The following BBS9 variants were observed in gnomAD, a reference collection of about 807,000 sequenced individuals.
BBS9 encodes the protein Bardet-Biedl syndrome 9, also known as protein PTHB1.
Under a neutral mutation model 117.7 loss-of-function variants are expected in BBS9, and 89 were observed. The ratio of observed to expected loss-of-function variants is 0.76; its 90% CI spans 0.64 to 0.90. The LOEUF (loss-of-function observed/expected upper bound fraction) is 0.90, where lower values mean the gene tolerates loss of function less well. Among genes scored for constraint, BBS9 ranks in the 40% least tolerant of loss-of-function variants. The pLI, the probability that BBS9 is intolerant of heterozygous loss-of-function variation, is 0.00. For missense variants in BBS9, 982 were observed against 1,042.2 expected (o/e 0.94, Z 0.80); for synonymous variants, 379 against 370.9 (o/e 1.02, Z -0.25).
chr7:33,401,321 T>G (rs888161169), intron 19 of BBS9, among the ~76,000 whole-genome samples: 6 of 152,204 alleles, frequency 3.9e-5, no homozygotes, highest in Non-Finnish European at 8.8e-5. Flanking sequence ...GGTAAAAGTA[T>G]TTGAGAGGAT....
At chr7:33,387,594 C>T (rs547433881) in intron 18 of BBS9, among the ~76,000 whole-genome samples, 1 of 151,922 alleles carries the variant, frequency 6.6e-6, no homozygotes, top group African/African-American at 2.4e-5. Context: ...CTAATAAAGG[C>T]CTTTCCTATA....
intron 2 of BBS9, among the ~76,000 whole-genome samples, chr7:33,151,994 A>T (rs1240214740): frequency 4.0e-5 from 6 of 151,768 alleles, no homozygotes; most frequent in Admixed American, 3.9e-4. Context: ...AGTAGCTGGG[A>T]CTACAGGGGC....
chr7:33,166,209 C>G (rs1795657631), intron 4 of BBS9, among the ~76,000 whole-genome samples: 1 of 152,200 alleles, frequency 6.6e-6, no homozygotes, highest in African/African-American at 2.4e-5. Context: ...AATATTGCTG[C>G]CTGATCCTTC....
At chr7:33,591,439 G>A (rs925588191) in intron 21 of BBS9, among the ~76,000 whole-genome samples, 3 of 151,986 alleles carry the variant, frequency 2.0e-5, no homozygotes, top group African/African-American at 7.2e-5. Flanking sequence ...ATGATTCTTT[G>A]TTAAGTGTTA....
At chr7:33,199,091 G>A (rs1562783288) in intron 5 of BBS9, among the ~76,000 whole-genome samples, 1 of 151,904 alleles carries the variant, frequency 6.6e-6, no homozygotes, top group African/African-American at 2.4e-5. Context: ...CCCAATCAAT[G>A]GTTCTTTTCT....
intron 10 of BBS9, among the ~76,000 whole-genome samples, chr7:33,338,906 C>A (rs1317050268): frequency 6.6e-6 from 1 of 152,178 alleles, no homozygotes; most frequent in African/African-American, 2.4e-5. Flanking sequence ...GCCCATACAG[C>A]TGTGTCTTCA....
At chr7:33,222,578 C>T (rs9768604) in intron 5 of BBS9, among the ~76,000 whole-genome samples, 46,038 of 151,922 alleles carry the variant, frequency 0.3, 7,439 homozygotes, top group Admixed American at 0.42. Flanking sequence ...GGTTTCTTCT[C>T]CTTCTATTCT....
intron 9 of BBS9, chr7:33,314,179 G>A (rs964292415): frequency 7.5e-5 from 27 of 359,042 alleles, no homozygotes; most frequent in Admixed American, 4.2e-4. Context: ...TTCTGGCCTA[G>A]AATCATGTCT....
At chr7:33,255,342 A>C (rs1027212379) in intron 5 of BBS9, among the ~76,000 whole-genome samples, 77 of 121,322 alleles carry the variant, frequency 6.3e-4, no homozygotes. Flanking sequence ...GTGTAAGATA[A>C]GGATCTTTTT....
At position 33,549,450 on chromosome 7, in the gene BBS9, T is replaced by C. The variant is rs1453396813; in HGVS notation, c.2521+15274T>C. Among the ~76,000 whole-genome samples, 4 of 146,512 alleles carry C rather than the reference T, an allele frequency of 2.7e-5. No homozygotes were observed. The East Asian group carries it at 7.9e-4, about 29-fold the overall frequency. On this transcript the variant is annotated intron_variant, in intron 21 of 22. Coordinates refer to ENST00000242067, the MANE Select transcript of BBS9 (RefSeq NM_198428.3). ...ATGGGATCTAATTAAACTAAAGAGC[T>C]TCTGCACAGCAAAAGAAACTACCAT...
chr7:33,223,728 A>C (rs750322194), intron 5 of BBS9, among the ~76,000 whole-genome samples: 1 of 151,752 alleles, frequency 6.6e-6, no homozygotes, highest in East Asian at 1.9e-4. Flanking sequence ...ATCAAAGAAG[A>C]CTTCCTTTAT....
intron 9 of BBS9, among the ~76,000 whole-genome samples, chr7:33,304,745 G>T (rs923831614): frequency 2.6e-5 from 4 of 152,094 alleles, no homozygotes; most frequent in African/African-American, 4.8e-5. Context: ...CTGTGTCTGT[G>T]TAGAAAGAAG....
intron 4 of BBS9, among the ~76,000 whole-genome samples, chr7:33,161,190 A>G (rs1352087332): frequency 6.6e-6 from 1 of 152,028 alleles, no homozygotes; most frequent in African/African-American, 2.4e-5. Flanking sequence ...TTACATAGGT[A>G]TACTTGTGCT....
chr7:33,500,326 T>C (rs1335380838), intron 19 of BBS9, among the ~76,000 whole-genome samples: 1 of 152,268 alleles, frequency 6.6e-6, no homozygotes, highest in Non-Finnish European at 1.5e-5. Flanking sequence ...ATGTATAATT[T>C]GTATATTGGT....
At chr7:33,456,954 G>A (rs972558082) in intron 19 of BBS9, among the ~76,000 whole-genome samples, 6 of 152,202 alleles carry the variant, frequency 3.9e-5, no homozygotes, top group Admixed American at 6.5e-5. Context: ...TGTTAATTAA[G>A]TGGGATGAGG....
chr7:33,543,318 T>C (rs1852713754), intron 21 of BBS9, among the ~76,000 whole-genome samples: 4 of 151,956 alleles, frequency 2.6e-5, no homozygotes, highest in Admixed American at 6.6e-5. Flanking sequence ...TGTTTTTTTT[T>C]TCTTAATGAT....
chr7:33,476,003 G>A (rs538343628), intron 19 of BBS9, among the ~76,000 whole-genome samples: 2 of 152,246 alleles, frequency 1.3e-5, no homozygotes, highest in Non-Finnish European at 2.9e-5. Flanking sequence ...GCGGTCAATT[G>A]ATAAGTAAAA....
Position 33,623,298 on chromosome 7 carries a change from C to T in BBS9, c.2522-11879C>T, listed in dbSNP as rs900343937. ...TAAAATTGGAAAAAAAAAACCTAAT[C>T]TCATTAGTAATTGAGGAAATGCAAA... On this transcript the variant is annotated intron_variant, in intron 21 of 21. Transcript: ENST00000671952. Among the ~76,000 whole-genome samples the T allele has an allele frequency of 1.3e-4, 20 of 152,070 alleles. No individual in the cohort carries two copies. In the East Asian group the frequency reaches 3.9e-3, roughly 29 times the overall value.
At chr7:33,266,802 G>T (rs553618736) in intron 7 of BBS9, among the ~76,000 whole-genome samples, 2 of 152,002 alleles carry the variant, frequency 1.3e-5, no homozygotes, top group African/African-American at 2.4e-5. Flanking sequence ...GAGTGTAGTG[G>T]CACAATCTTG....
Sources: gnomAD v4.1 joint callset for allele counts (sites outside exome capture counted in the v4.1 genomes callset) on GRCh38, gnomAD v4.1.1 for gene constraint, MANE v1.5 for transcripts, NCBI Gene and HGNC (gene_info 2026-07-23, HGNC 2026-07-21) for gene names.